Variants in CAMTA1 observed in about 807,000 individuals in gnomAD.
The protein encoded by CAMTA1 is calmodulin-binding transcription activator 1.
Under a neutral mutation model 170.9 loss-of-function variants are expected in CAMTA1, and 27 were observed. That is an observed-to-expected ratio of 0.16 (90% CI 0.12 to 0.22). The LOEUF is 0.22. CAMTA1 is among the 10% of genes least tolerant of loss of function. The probability of loss-of-function intolerance (pLI) is 1.00; values close to 1 mark genes in which losing one functional copy is unlikely to be tolerated. For missense variants in CAMTA1, 1,619 were observed against 2,217.2 expected, an observed-to-expected ratio of 0.73 and a Z score of 5.42; for synonymous variants, 833 against 891.5, an observed-to-expected ratio of 0.93 and a Z score of 1.17.
chr1:7,324,370 T>A (rs1423500604), intron 5 of CAMTA1, among the ~76,000 whole-genome samples: 2 of 152,182 alleles, frequency 1.3e-5, no homozygotes, highest in African/African-American at 4.8e-5. Flanking sequence ...TATTCCAGGT[T>A]TAAATAGCAT....
At chr1:7,490,507 C>T (rs1443489793) in intron 6 of CAMTA1, among the ~76,000 whole-genome samples, 1 of 152,190 alleles carries the variant, frequency 6.6e-6, no homozygotes, top group Non-Finnish European at 1.5e-5. Flanking sequence ...CAAAAATTAG[C>T]CGGGCGTAGT....
intron 3 of CAMTA1, among the ~76,000 whole-genome samples, chr1:6,963,416 A>G (rs1354883168): frequency 2.0e-5 from 3 of 151,138 alleles, no homozygotes; most frequent in Non-Finnish European, 4.4e-5. Flanking sequence ...CCTGGCCTTC[A>G]AGCTCCCGCC....
At position 7,456,336 on chromosome 1, in the gene CAMTA1, A is replaced by G. The variant is rs1018608267; in HGVS notation, c.439-11494A>G. The stretch of plus-strand genomic sequence containing the variant: ...AGGAGGAAGGCAGGCCATCACCAGT[A>G]TACACCACTCTGGAGACCAGCTCTA... On this transcript the variant is annotated intron_variant, in intron 5 of 22. Coordinates refer to ENST00000303635, the MANE Select transcript of CAMTA1 (RefSeq NM_015215.4). This position sits in a 1 kb window ranked among gnomAD's most constrained non-coding sequence, Gnocchi z 4.9. 2.6e-5 allele frequency among the ~76,000 whole-genome samples: 4 copies of G among 152,148 alleles called. No homozygotes were observed. The highest frequency in any genetic ancestry group is 9.7e-5 in the African/African-American group (4 of 41,428).
At chr1:7,358,377 A>G (rs2085287137) in intron 5 of CAMTA1, among the ~76,000 whole-genome samples, 1 of 152,234 alleles carries the variant, frequency 6.6e-6, no homozygotes, top group African/African-American at 2.4e-5. Context: ...GAGCATGTCA[A>G]GCTGCTCATA....
intron 3 of CAMTA1, among the ~76,000 whole-genome samples, chr1:6,875,757 A>T (rs904398811): frequency 6.6e-6 from 1 of 152,210 alleles, no homozygotes; most frequent in African/African-American, 2.4e-5. Context: ...TCCTCTGTAC[A>T]GCTTTTAAAA....
chr1:7,460,061 C>T (rs2093046026), intron 5 of CAMTA1, among the ~76,000 whole-genome samples: 1 of 152,272 alleles, frequency 6.6e-6, no homozygotes, highest in Non-Finnish European at 1.5e-5. Flanking sequence ...GCAAGGCCAT[C>T]TGCCAGCCGC....
At chr1:6,881,202 C>G (rs1406696366) in intron 3 of CAMTA1, among the ~76,000 whole-genome samples, 2 of 152,254 alleles carry the variant, frequency 1.3e-5, no homozygotes, top group South Asian at 4.1e-4. Flanking sequence ...TAAAAAACTG[C>G]CCAATCTGTT....
At chr1:7,602,136 C>T (rs1313791209) in intron 6 of CAMTA1, among the ~76,000 whole-genome samples, 2 of 140,066 alleles carry the variant, frequency 1.4e-5, no homozygotes, top group African/African-American at 5.9e-5. Context: ...TCCTTCCTTC[C>T]TTCCTTCCTC....
rs1016247693 is a variant in CAMTA1 at position 7,718,846 on chromosome 1, G to A, written c.2915-13602G>A. 3.7e-5 allele frequency among the ~76,000 whole-genome samples: 4 copies of A among 108,126 alleles called. No homozygotes were observed. In the South Asian group the frequency reaches 1.4e-3, roughly 38 times the overall value. 70.9% of individuals were successfully genotyped at this position (108,126 alleles called of 152,430 possible). ...TGCTGGGATTACAGGCATGAGCCCG[G>A]TCAGCCCTTTTTTTTTTTTTTTTAA... On this transcript the variant is annotated intron_variant, in intron 11 of 22. Transcript: ENST00000303635.
At chr1:7,043,807 G>A (rs190186474) in intron 3 of CAMTA1, among the ~76,000 whole-genome samples, 2 of 152,256 alleles carry the variant, frequency 1.3e-5, no homozygotes, top group Admixed American at 1.3e-4. Flanking sequence ...AAATACTCGG[G>A]CCCTCAGGCT....
chr1:7,613,717 C>T (rs1284653134), intron 6 of CAMTA1, among the ~76,000 whole-genome samples: 1 of 144,142 alleles, frequency 6.9e-6, no homozygotes, highest in Admixed American at 7.1e-5. Context: ...CTGAGGAGAG[C>T]GATGGCGGGG....
At chr1:7,334,742 G>A (rs976631480) in intron 5 of CAMTA1, among the ~76,000 whole-genome samples, 1 of 152,140 alleles carries the variant, frequency 6.6e-6, no homozygotes, top group Non-Finnish European at 1.5e-5. Context: ...AGAGGCTGAC[G>A]GTGTCTGAGG....
chr1:6,861,425 C>A (rs1480083936), intron 3 of CAMTA1, among the ~76,000 whole-genome samples: 1 of 152,202 alleles, frequency 6.6e-6, no homozygotes, highest in South Asian at 2.1e-4. Flanking sequence ...CTAACCCATA[C>A]TTCTTCAGCC....
intron 5 of CAMTA1, among the ~76,000 whole-genome samples, chr1:7,341,286 G>T (rs2083808248): frequency 6.6e-6 from 1 of 152,208 alleles, no homozygotes; most frequent in Non-Finnish European, 1.5e-5. Context: ...AGTGTCTGGT[G>T]GTTGGCAGGT....
chr1:7,384,000 G>C (rs1275274931), intron 5 of CAMTA1, among the ~76,000 whole-genome samples: 1 of 152,106 alleles, frequency 6.6e-6, no homozygotes, highest in Admixed American at 6.5e-5. Context: ...GAGCAAAGAA[G>C]GGCATGGAAC....
In CAMTA1 at chr1:7,665,020, A is replaced by G. The variant is rs765488241; in HGVS notation, c.2473A>G (p.Ser825Gly). 10 of 1,593,500 alleles carry G rather than the reference A, an allele frequency of 6.3e-6. No individual in the cohort carries two copies. The East Asian group carries it at 9.0e-5, about 14-fold the overall frequency. The change falls in exon 9 of 23, where the codon AGC becomes GGC. Residue 825 changes from serine to glycine, a missense_variant. This residue lies in a region of CAMTA1 where 731 missense variants were observed against 907.6 expected (regional missense o/e 0.81). Coordinates refer to ENST00000303635, the MANE Select transcript of CAMTA1 (RefSeq NM_015215.4). The surrounding 1 kb of genome is among the most constrained non-coding windows in gnomAD (Gnocchi z 4.3). ...TQAEMCLPCCSPQQGSLQLSS... is the reference protein window; with the variant it reads ...TQAEMCLPCCGPQQGSLQLSS... ...GGCAGAGATGTGCCTCCCCTGCTGT[A>G]GCCCCCAGCAGGGTAGCCTGCAGCT...
intron 3 of CAMTA1, among the ~76,000 whole-genome samples, chr1:6,913,607 T>C (rs769542025): frequency 2.0e-5 from 3 of 152,082 alleles, no homozygotes; most frequent in Admixed American, 6.6e-5. Context: ...TCTCTTCTTT[T>C]CCTGAGTATT....
At chr1:7,434,404 G>T (rs1457770594) in intron 5 of CAMTA1, among the ~76,000 whole-genome samples, 1 of 152,186 alleles carries the variant, frequency 6.6e-6, no homozygotes, top group African/African-American at 2.4e-5. Flanking sequence ...CCATAGGGTG[G>T]CTAGGCAGTG....
intron 3 of CAMTA1, among the ~76,000 whole-genome samples, chr1:6,984,263 C>T (rs561344473): frequency 8.6e-5 from 13 of 151,522 alleles, no homozygotes; most frequent in Middle Eastern, 6.8e-3. Context: ...TTTGGGAGGC[C>T]GGGGACTTCT....
Sources: gnomAD v4.1 joint callset for allele counts (sites outside exome capture counted in the v4.1 genomes callset) on GRCh38, gnomAD v4.1.1 for gene constraint, gnomAD v4.1.1 regional missense constraint, Gnocchi (gnomAD v3.1) non-coding constraint, MANE v1.5 for transcripts, NCBI Gene and HGNC (gene_info 2026-07-23, HGNC 2026-07-21) for gene names.